Variants in UBE2H observed in about 807,000 individuals in gnomAD.
The protein encoded by UBE2H is ubiquitin-conjugating enzyme E2 H.
A neutral mutation model predicts 29.0 loss-of-function variants in UBE2H; 3 were observed. The observed-to-expected ratio is 0.10, with a 90% CI of 0.05 to 0.27. UBE2H has a LOEUF of 0.27. Among genes scored for constraint, UBE2H ranks in the 10% least tolerant of loss-of-function variants. The pLI is 1.00. For synonymous variants in UBE2H, 69 were observed against 82.9 expected, an observed-to-expected ratio of 0.83 and a Z score of 0.91; for missense variants, 68 against 228.2, an observed-to-expected ratio of 0.30 and a Z score of 4.52.
chr7:129,948,967 C>G (rs1328224267), intron 1 of UBE2H: 1 of 456,758 alleles, frequency 2.2e-6, no homozygotes, highest in Non-Finnish European at 4.4e-6. Flanking sequence ...ACTCCATCAG[C>G]TGTTTGGTAG....
intron 3 of UBE2H, among the ~76,000 whole-genome samples, chr7:129,875,095 C>T (rs182600372): frequency 6.6e-6 from 1 of 152,048 alleles, no homozygotes; most frequent in Non-Finnish European, 1.5e-5. Context: ...ACAGACAGGA[C>T]AGTCAAAAGA....
chr7:129,838,891 G>A (rs1584735901), intron 6 of UBE2H, among the ~76,000 whole-genome samples: 1 of 152,094 alleles, frequency 6.6e-6, no homozygotes, highest in Admixed American at 6.6e-5. Context: ...CCTGCCTCGG[G>A]CTACCAAAGT....
intron 1 of UBE2H, among the ~76,000 whole-genome samples, chr7:129,889,683 A>G (rs896274073): frequency 5.3e-5 from 8 of 152,206 alleles, no homozygotes; most frequent in Non-Finnish European, 1.2e-4. Context: ...CAAACAGTAG[A>G]CTACAAATGA....
intron 1 of UBE2H, among the ~76,000 whole-genome samples, chr7:129,885,276 G>A (rs1466563435): frequency 6.6e-6 from 1 of 152,118 alleles, no homozygotes; most frequent in Non-Finnish European, 1.5e-5. Flanking sequence ...AAGATTAAAC[G>A]AGTTTAACAA....
chr7:129,937,580 C>G (rs1807557538), intron 1 of UBE2H, among the ~76,000 whole-genome samples: 1 of 152,136 alleles, frequency 6.6e-6, no homozygotes, highest in Non-Finnish European at 1.5e-5. Flanking sequence ...AGTGAGTATT[C>G]ACAACAGCAT....
chr7:129,936,670 G>A (rs950213042), intron 1 of UBE2H, among the ~76,000 whole-genome samples: 1 of 151,218 alleles, frequency 6.6e-6, no homozygotes, highest in African/African-American at 2.4e-5. Context: ...AGATAATCCA[G>A]TTCAGGCCAC....
intron 1 of UBE2H, among the ~76,000 whole-genome samples, chr7:129,905,062 G>A (rs187520737): frequency 6.6e-6 from 1 of 152,128 alleles, no homozygotes; most frequent in Non-Finnish European, 1.5e-5. Flanking sequence ...TGACTGAGGG[G>A]AGTACAAGCC....
chr7:129,866,886 G>A (rs1805914431), intron 3 of UBE2H, among the ~76,000 whole-genome samples: 1 of 152,154 alleles, frequency 6.6e-6, no homozygotes, highest in African/African-American at 2.4e-5. Flanking sequence ...CATTAATCGT[G>A]AAGATTAAAT....
chr7:129,892,114 A>G (rs1806506611), intron 1 of UBE2H, among the ~76,000 whole-genome samples: 1 of 151,876 alleles, frequency 6.6e-6, no homozygotes, highest in Non-Finnish European at 1.5e-5. Flanking sequence ...CACCAGGCCA[A>G]GCTAATTTTT....
At position 129,841,074 on chromosome 7, in the gene UBE2H, A is replaced by C. The variant is rs191870111; in HGVS notation, c.299-1739T>G. Reference sequence around the variant, plus strand: ...ACAACAAAGGATTATCTAGACCAAAATGTCAGCAGTGCTGAGGTTAAGAAA... The same window carrying C: ...ACAACAAAGGATTATCTAGACCAAACTGTCAGCAGTGCTGAGGTTAAGAAA... On this transcript the variant is annotated intron_variant, in intron 5 of 6. Transcript: ENST00000355621. Among the ~76,000 whole-genome samples the C allele has an allele frequency of 1.9e-4, 29 of 152,344 alleles. No homozygotes were observed. In the East Asian group the frequency reaches 5.4e-3, roughly 28 times the overall value.
chr7:129,921,655 C>G (rs866258387), intron 1 of UBE2H, among the ~76,000 whole-genome samples: 1 of 144,386 alleles, frequency 6.9e-6, no homozygotes, highest in Non-Finnish European at 1.5e-5. Flanking sequence ...GCTGAGATCA[C>G]GCCACTGCAT....
intron 5 of UBE2H, among the ~76,000 whole-genome samples, chr7:129,850,935 T>C (rs1041346716): frequency 1.1e-4 from 17 of 150,932 alleles, no homozygotes; most frequent in Non-Finnish European, 1.2e-4. Context: ...AGAGAAAAGA[T>C]AGATGGACAG....
At chr7:129,912,586 T>C (rs78008281) in intron 1 of UBE2H, among the ~76,000 whole-genome samples, 9,485 of 152,294 alleles carry the variant, frequency 0.062, 367 homozygotes, top group Non-Finnish European at 0.091. Flanking sequence ...AATAATTCTG[T>C]ACATGAAACA....
intron 1 of UBE2H, among the ~76,000 whole-genome samples, chr7:129,895,086 A>G (rs1332853849): frequency 6.6e-6 from 1 of 152,248 alleles, no homozygotes; most frequent in Non-Finnish European, 1.5e-5. Context: ...ATTAAAATCC[A>G]CTTTTTCTGC....
intron 1 of UBE2H, among the ~76,000 whole-genome samples, chr7:129,883,067 T>C (rs891871462): frequency 1.3e-5 from 2 of 152,186 alleles, no homozygotes; most frequent in South Asian, 2.1e-4. Flanking sequence ...AACTGAAGTA[T>C]AAAAAAGTCC....
chr7:129,838,946 T>C (rs1321053396), intron 6 of UBE2H, among the ~76,000 whole-genome samples: 2 of 152,166 alleles, frequency 1.3e-5, no homozygotes, highest in African/African-American at 4.8e-5. Flanking sequence ...CGCAAACTTA[T>C]CTTCATTTAA....
At chr7:129,919,252 AAACAGCT>A (rs1244885504) in intron 1 of UBE2H, among the ~76,000 whole-genome samples, 1 of 152,220 alleles carries the variant, frequency 6.6e-6, no homozygotes, top group African/African-American at 2.4e-5. Context: ...AGACTATAGT[AAACAGCT>A]AAGCTAATGC....
intron 5 of UBE2H, among the ~76,000 whole-genome samples, chr7:129,854,068 T>TTTTTTTTTTATTTTTTTTTAA (rs1554430951): frequency 6.7e-6 from 1 of 148,706 alleles, no homozygotes; most frequent in Non-Finnish European, 1.5e-5. Context: ...TAGTTTTTTT[T>TTTTTTTTTTATTTTTTTTTAA]TTTTTTTTTT....
At chr7:129,838,452 G>GC (rs1392386946) in intron 6 of UBE2H, among the ~76,000 whole-genome samples, 2 of 152,070 alleles carry the variant, frequency 1.3e-5, no homozygotes, top group African/African-American at 4.8e-5. Flanking sequence ...ATGCAGATAG[G>GC]CCCATCATGT....
Sources: gnomAD v4.1 joint callset for allele counts (sites outside exome capture counted in the v4.1 genomes callset) on GRCh38, gnomAD v4.1.1 for gene constraint, MANE v1.5 for transcripts, NCBI Gene and HGNC (gene_info 2026-07-23, HGNC 2026-07-21) for gene names.